Variants in TOR1AIP2 observed in about 807,000 individuals in gnomAD.
TOR1AIP2 encodes torsin 1A interacting protein 2.
In TOR1AIP2, 20 loss-of-function variants were observed where a neutral mutation model predicts 32.6. The observed-to-expected ratio is 0.61, with a 90% CI of 0.43 to 0.89. TOR1AIP2 has a LOEUF of 0.89. Ranked by LOEUF, TOR1AIP2 falls within the 40% of genes least tolerant of loss-of-function variation. TOR1AIP2 has a pLI of 0.00. For missense variants in TOR1AIP2, 456 were observed against 553.8 expected, an observed-to-expected ratio of 0.82 and a Z score of 1.77; for synonymous variants, 214 against 210.8, an observed-to-expected ratio of 1.02 and a Z score of -0.13.
At position 179,843,176 on chromosome 1, in the gene TOR1AIP2, G is replaced by A. The variant is rs1695780580; in HGVS notation, c.*2895C>T. ...GTTTAAAAATAGTCATTTTAGTCAT[G>A]AGAAGACCCAGAGCTAATATACTGC... On this transcript the variant is annotated 3_prime_UTR_variant, in exon 7 of 7. Transcript: ENST00000609928. 6.6e-6 allele frequency: 1 copy of A among 151,602 alleles called. No individual in the cohort carries two copies. The highest frequency in any genetic ancestry group is 1.5e-5 in the Non-Finnish European group (1 of 67,992). 9.4% of individuals were successfully genotyped at this position (151,602 alleles called of 1,614,324 possible).
intron 3 of TOR1AIP2, chr1:179,861,330 A>G (rs1696521616): frequency 1.0e-6 from 1 of 985,318 alleles, no homozygotes; most frequent in Non-Finnish European, 1.2e-6. Flanking sequence ...GCAATATTTT[A>G]AGCCATATGA....
At chr1:179,859,864 G>C (rs1335859217) in intron 3 of TOR1AIP2, 1 of 981,236 alleles carries the variant, frequency 1.0e-6, no homozygotes, top group Non-Finnish European at 1.2e-6. Flanking sequence ...GCCTTACTCT[G>C]TTGCCCAGGC....
chr1:179,846,459 G>A lies in TOR1AIP2; in HGVS notation c.1025C>T (p.Thr342Met), dbSNP rs777385812. 11 of 1,614,150 alleles carry A rather than the reference G, an allele frequency of 6.8e-6. No individual in the cohort carries two copies. The highest frequency in any genetic ancestry group is 1.1e-5 in the South Asian group (1 of 91,080). The change falls in exon 7 of 7, where the codon ACG becomes ATG. Residue 342 changes from threonine to methionine, a missense_variant. By Grantham distance (81) the Thr-to-Met change is moderately conservative (BLOSUM62 -1). Transcript: ENST00000609928. Reference protein sequence around the residue: ...GAGRTWQDSDTVKLLVDLELS... With the variant: ...GAGRTWQDSDMVKLLVDLELS... Reference sequence around the variant, plus strand: ...CTCCAGGTCAACCAACAGCTTGACCGTGTCACTGTCCTGCCAGGTCCTTCC... The same window carrying A: ...CTCCAGGTCAACCAACAGCTTGACCATGTCACTGTCCTGCCAGGTCCTTCC...
intron 5 of TOR1AIP2, among the ~76,000 whole-genome samples, chr1:179,849,542 A>G (rs1696038796): frequency 6.6e-6 from 1 of 152,154 alleles, no homozygotes; most frequent in Non-Finnish European, 1.5e-5. Flanking sequence ...ATTTTTTTAA[A>G]CAATATTTTT....
At chr1:179,861,857 T>G (rs1213919239) in intron 3 of TOR1AIP2, 1 of 953,228 alleles carries the variant, frequency 1.0e-6, no homozygotes, top group Non-Finnish European at 1.2e-6. Flanking sequence ...TATTTATATC[T>G]TTTATGTTGT....
Position 179,865,598 on chromosome 1 carries a change from C to T in TOR1AIP2, c.-309G>A, listed in dbSNP as rs1311049781. 1 of 159,592 alleles carries T rather than the reference C, an allele frequency of 6.3e-6. No homozygotes were observed. The highest frequency in any genetic ancestry group is 2.4e-5 in the African/African-American group (1 of 41,630). 9.9% of individuals were successfully genotyped at this position (159,592 alleles called of 1,614,324 possible). ...TGCTTTGTTGGTAAGGTTATTGTGT[C>T]TGCTTGGTGAAACAGAGGAGCTGAC... On this transcript the variant is annotated 5_prime_UTR_variant, in exon 3 of 7. Coordinates refer to ENST00000609928, the MANE Select transcript of TOR1AIP2 (RefSeq NM_001199260.2).
chr1:179,858,932 T>G, intron 3 of TOR1AIP2: 1 of 774,816 alleles, frequency 1.3e-6, no homozygotes, highest in Non-Finnish European at 1.6e-6. Context: ...AGAAGGAAAT[T>G]AGAAGTTTAG....
chr1:179,868,657 A>G (rs1696890924), intron 2 of TOR1AIP2: 2 of 152,194 alleles, frequency 1.3e-5, no homozygotes, highest in Non-Finnish European at 2.9e-5. Flanking sequence ...CGAACGGGAG[A>G]ATGAATAAAT....
intron 4 of TOR1AIP2, among the ~76,000 whole-genome samples, chr1:179,852,326 A>AG (rs925660040): frequency 6.6e-6 from 1 of 152,102 alleles, no homozygotes; most frequent in African/African-American, 2.4e-5. Flanking sequence ...AGCACATCAC[A>AG]GGATATATAT....
At chr1:179,854,334 CAG>C (rs1404865251) in intron 3 of TOR1AIP2, among the ~76,000 whole-genome samples, 1 of 151,316 alleles carries the variant, frequency 6.6e-6, no homozygotes, top group African/African-American at 2.4e-5. Context: ...GATAAGTAAA[CAG>C]AAAAAAAAAT....
chr1:179,851,442 A>G lies in TOR1AIP2; in HGVS notation c.35-79T>C. On this transcript the variant is annotated intron_variant, in intron 4 of 6. Coordinates refer to ENST00000609928, the MANE Select transcript of TOR1AIP2 (RefSeq NM_001199260.2). Reference sequence around the variant, plus strand: ...TATTTTAACAAGGTCCCTGTTTAATAATAATATTTACATAGATTTTCATGG... The same window carrying G: ...TATTTTAACAAGGTCCCTGTTTAATGATAATATTTACATAGATTTTCATGG... 2.7e-6 allele frequency: 3 copies of G among 1,099,730 alleles called. No homozygotes were observed. In the South Asian group the frequency reaches 5.9e-5, roughly 22 times the overall value. 68.1% of individuals were successfully genotyped at this position (1,099,730 alleles called of 1,614,324 possible). A position where few individuals can be genotyped will look rare whatever the true frequency, so the allele number is the denominator to read the frequency against.
intron 6 of TOR1AIP2, 88 bp downstream of exon 6, chr1:179,847,447 C>G: frequency 1.1e-6 from 1 of 873,792 alleles, no homozygotes; most frequent in Non-Finnish European, 2.0e-6. Flanking sequence ...AATGTTAAAA[C>G]TGTTTAAATC....
chr1:179,851,267 T>A lies in TOR1AIP2; in HGVS notation c.131A>T (p.His44Leu). The A allele has an allele frequency of 6.2e-7, 1 of 1,612,042 alleles. No homozygotes were observed. The highest frequency in any genetic ancestry group is 8.5e-7 in the Non-Finnish European group (1 of 1,179,984). Residue 44 changes from histidine to leucine, a missense_variant, in exon 5 of 7, where the codon CAC (histidine) becomes CTC (leucine). Transcript: ENST00000609928. ...GTCTTTGCTAAGACCACAGGCAGAG[T>A]GTAGGATCTCAGCTTCTTCAGCATT... ...ASNAEEAEIL[H>L]SACGLSKDHQ...
chr1:179,854,666 T>A (rs1225537893), intron 3 of TOR1AIP2, among the ~76,000 whole-genome samples: 1 of 152,004 alleles, frequency 6.6e-6, no homozygotes, highest in Admixed American at 6.6e-5. Flanking sequence ...GGGTCAGGAG[T>A]TCGAGACCAG....
At chr1:179,871,755 T>C (rs1697018594) in intron 2 of TOR1AIP2, among the ~76,000 whole-genome samples, 1 of 152,220 alleles carries the variant, frequency 6.6e-6, no homozygotes, top group African/African-American at 2.4e-5. Context: ...TAATCAATAA[T>C]CATAACTTTT....
chr1:179,847,192 T>C (rs1048884018), intron 6 of TOR1AIP2, among the ~76,000 whole-genome samples: 4 of 152,226 alleles, frequency 2.6e-5, no homozygotes, highest in African/African-American at 9.6e-5. Context: ...ATGCACCTAC[T>C]ACCTATAGCC....
At chr1:179,851,493 T>C (rs1169560563) in intron 4 of TOR1AIP2, 130 bp from the exon 5 acceptor site, 1 of 684,156 alleles carries the variant, frequency 1.5e-6, no homozygotes, top group Non-Finnish European at 2.2e-6. Context: ...CTAAACATTA[T>C]TTCTCTTGGC....
chr1:179,847,399 G>A, intron 6 of TOR1AIP2, 136 bp downstream of exon 6: 1 of 696,372 alleles, frequency 1.4e-6, no homozygotes, highest in East Asian at 2.7e-5. Flanking sequence ...ATTTTACTAT[G>A]TCTCACTACC....
At chr1:179,864,875 T>G in intron 3 of TOR1AIP2, 1 of 1,614,038 alleles carries the variant, frequency 6.2e-7, no homozygotes, top group Non-Finnish European at 8.5e-7. Context: ...TCGAGAGTCA[T>G]GTATTCTTTT....
Sources: allele counts gnomAD v4.1 joint callset (sites outside exome capture counted in the v4.1 genomes callset), GRCh38; gene constraint gnomAD v4.1.1; transcripts MANE v1.5; gene names NCBI Gene and HGNC (gene_info 2026-07-23, HGNC 2026-07-21).